MAD1L1: variants seen among roughly 807,000 people sequenced by gnomAD.
MAD1L1 encodes mitotic spindle assembly checkpoint protein MAD1.
Under a neutral mutation model 96.9 loss-of-function variants are expected in MAD1L1, and 95 were observed. The observed-to-expected ratio is 0.98, with a 90% CI of 0.83 to 1.16. The LOEUF (loss-of-function observed/expected upper bound fraction) is 1.16, where lower values mean the gene tolerates loss of function less well. Among genes scored for constraint, MAD1L1 ranks in the 50% most tolerant of loss-of-function variants. The pLI is 0.00. For synonymous variants in MAD1L1, 473 were observed against 396.6 expected (o/e 1.19, Z -2.29); for missense variants, 1,007 against 954.4 (o/e 1.06, Z -0.73).
chr7:2,049,018 CAT>C (rs1784053866), intron 12 of MAD1L1, among the ~76,000 whole-genome samples: 1 of 152,340 alleles, frequency 6.6e-6, no homozygotes, highest in Admixed American at 6.5e-5. Context: ...TAGAACTAAC[CAT>C]ATGTTTGTTG....
At position 2,222,718 on chromosome 7, in the gene MAD1L1, T is replaced by C; in HGVS notation, c.328A>G (p.Ile110Val). The change falls in exon 5 of 19, where the codon ATC becomes GTC. Residue 110 changes from isoleucine (I) to valine (V), a missense_variant. Transcript: ENST00000265854. The part of the protein sequence containing the change: ...VDRNQELLTR[I>V]RQLQEREAGA... ...GCCTCCCGCTCCTGAAGCTGCCGGA[T>C]GCGCGTCAGGAGCTCCTGGTTGCGG... 1 of 1,608,788 alleles carries C rather than the reference T, an allele frequency of 6.2e-7. No individual in the cohort carries two copies. Among genetic ancestry groups the C allele is most frequent in the Non-Finnish European group, 8.5e-7 (1 of 1,179,586 alleles).
chr7:2,135,504 C>T (rs993607432), intron 11 of MAD1L1, among the ~76,000 whole-genome samples: 3 of 151,694 alleles, frequency 2.0e-5, no homozygotes, highest in Non-Finnish European at 4.4e-5. Context: ...TTTTAATTTC[C>T]AAAGATGGTA....
At chr7:2,045,305 C>G (rs1783873269) in intron 12 of MAD1L1, among the ~76,000 whole-genome samples, 2 of 152,108 alleles carry the variant, frequency 1.3e-5, no homozygotes, top group Admixed American at 1.3e-4. Flanking sequence ...GTGAGATACC[C>G]CACGTCCCTA....
At chr7:2,058,799 C>T (rs878921472) in intron 12 of MAD1L1, among the ~76,000 whole-genome samples, 6 of 110,400 alleles carry the variant, frequency 5.4e-5, no homozygotes, top group South Asian at 3.7e-4. Flanking sequence ...AGGAGAGGCG[C>T]GGGGCTGGAG....
At chr7:2,028,589 C>T (rs4721320) in intron 12 of MAD1L1, among the ~76,000 whole-genome samples, 8,136 of 152,154 alleles carry the variant, frequency 0.053, 385 homozygotes, top group African/African-American at 0.12. Flanking sequence ...GTAAAATCTA[C>T]GTGAAGAGGC....
intron 14 of MAD1L1, among the ~76,000 whole-genome samples, chr7:1,994,803 C>T (rs558498710): frequency 3.9e-5 from 6 of 152,310 alleles, no homozygotes; most frequent in Non-Finnish European, 7.4e-5. Flanking sequence ...GACTTCCAGC[C>T]TGCAGAACCG....
rs562051305 is a variant in MAD1L1, at chr7:2,166,757, G to C, written c.987-17519C>G. Among the ~76,000 whole-genome samples the C allele has an allele frequency of 1.2e-4, 18 of 152,332 alleles. 1 individual carries two copies. The South Asian group carries it at 3.7e-3, about 32-fold the overall frequency. ...CCACTGTCCACAGCAGCTGGGCCGG[G>C]AGAATGACCTGGGCGGAACCACGCC... On this transcript the variant is annotated intron_variant, in intron 10 of 18. Coordinates refer to ENST00000265854, the MANE Select transcript of MAD1L1 (RefSeq NM_001013836.2).
intron 12 of MAD1L1, among the ~76,000 whole-genome samples, chr7:2,050,881 A>ACAC (rs1252565549): frequency 6.6e-6 from 1 of 152,158 alleles, no homozygotes; most frequent in Non-Finnish European, 1.5e-5. Flanking sequence ...GAGGGTTCAG[A>ACAC]CACCACCACC....
chr7:1,892,976 G>C (rs1452438099), intron 18 of MAD1L1, among the ~76,000 whole-genome samples: 1 of 152,234 alleles, frequency 6.6e-6, no homozygotes, highest in Non-Finnish European at 1.5e-5. Flanking sequence ...AGGGGAAAAG[G>C]GAGGTGGGGA....
chr7:1,876,309 G>A (rs1785384912), intron 18 of MAD1L1, among the ~76,000 whole-genome samples: 1 of 152,014 alleles, frequency 6.6e-6, no homozygotes, highest in African/African-American at 2.4e-5. Context: ...TGCAGCCCAA[G>A]GTCCCGAGCC....
At position 2,133,329 on chromosome 7, in the gene MAD1L1, C is replaced by G. The variant is rs535352946; in HGVS notation, c.1073+15823G>C. Among the ~76,000 whole-genome samples the G allele has an allele frequency of 3.3e-5, 5 of 152,268 alleles. No individual in the cohort carries two copies. The South Asian group carries it at 1.0e-3, about 32-fold the overall frequency. The stretch of plus-strand genomic sequence containing the variant: ...CTGAGCATCTCCGCACGTGCTTCTC[C>G]GTCACCCGCGTGTCTGCTTTGGTGA... On this transcript the variant is annotated intron_variant, in intron 11 of 18. Transcript: ENST00000265854.
chr7:2,111,020 CG>C (rs1350971681), intron 11 of MAD1L1, among the ~76,000 whole-genome samples: 1 of 152,176 alleles, frequency 6.6e-6, no homozygotes, highest in Admixed American at 6.5e-5. Context: ...GGAGGAAGAA[CG>C]GATCAGGAAG....
rs1489039645 is a variant in MAD1L1 at position 2,146,246 on chromosome 7, G to A, written c.1073+2906C>T. 6.7e-6 allele frequency among the ~76,000 whole-genome samples: 1 copy of A among 150,182 alleles called. No individual in the cohort carries two copies. ...CGTCACAGCAGCACCGCCTGGAAGA[G>A]GGAGCACCGGGCACTGGGCTACGAG... On this transcript the variant is annotated intron_variant, in intron 11 of 18. Coordinates refer to ENST00000265854, the MANE Select transcript of MAD1L1 (RefSeq NM_001013836.2). This position sits in a 1 kb window ranked among gnomAD's most constrained non-coding sequence, Gnocchi z 6.2.
chr7:2,158,550 G>A lies in MAD1L1; in HGVS notation c.987-9312C>T, dbSNP rs370928553. ...AAGCGACACAGGCTGTCTCTGCAGG[G>A]CTTGTTTTGCGAAAAGTATGCAGAA... is the stretch of plus-strand genomic sequence containing the variant. On this transcript the variant is annotated intron_variant, in intron 10 of 18. Coordinates refer to ENST00000265854, the MANE Select transcript of MAD1L1 (RefSeq NM_001013836.2). Among the ~76,000 whole-genome samples the A allele has an allele frequency of 1.5e-4, 23 of 152,354 alleles. No homozygotes were observed. The South Asian group carries it at 2.7e-3, about 18-fold the overall frequency.
At chr7:2,134,447 T>C (rs1788658145) in intron 11 of MAD1L1, among the ~76,000 whole-genome samples, 1 of 152,242 alleles carries the variant, frequency 6.6e-6, no homozygotes, top group South Asian at 2.1e-4. Flanking sequence ...GTTTTATTTC[T>C]TCCTTCCTTT....
At chr7:2,124,148 C>T (rs895179249) in intron 11 of MAD1L1, among the ~76,000 whole-genome samples, 5 of 152,210 alleles carry the variant, frequency 3.3e-5, no homozygotes, top group Admixed American at 6.5e-5. Context: ...TCAGAGGCCA[C>T]GCCACGCCCC....
chr7:1,993,777 C>A (rs780087275), intron 14 of MAD1L1, among the ~76,000 whole-genome samples: 2 of 152,232 alleles, frequency 1.3e-5, no homozygotes, highest in Non-Finnish European at 2.9e-5. Context: ...ACTGAAAAGG[C>A]TGGGTCCTCA....
rs192011649 is a variant in MAD1L1 at position 2,142,222 on chromosome 7, C to G, written c.1073+6930G>C. On this transcript the variant is annotated intron_variant, in intron 11 of 18. Coordinates refer to ENST00000265854, the MANE Select transcript of MAD1L1 (RefSeq NM_001013836.2). This position sits in a 1 kb window ranked among gnomAD's most constrained non-coding sequence, Gnocchi z 4.7. ...ACACTAGCCAAACTAACCCGAGCAG[C>G]CTTCGCCAAAGAACAAGGCAGGCAC... is the stretch of plus-strand genomic sequence containing the variant. 6.6e-6 allele frequency among the ~76,000 whole-genome samples: 1 copy of G among 152,344 alleles called. No homozygotes were observed. The highest frequency in any genetic ancestry group is 1.9e-4 in the East Asian group (1 of 5,178).
At chr7:2,231,396 G>A (rs1053613676) in intron 1 of MAD1L1, among the ~76,000 whole-genome samples, 24 of 152,114 alleles carry the variant, frequency 1.6e-4, no homozygotes, top group African/African-American at 5.8e-4. Context: ...AAGATGGGCA[G>A]ATCACCACAG....
Sources: allele counts gnomAD v4.1 joint callset (sites outside exome capture counted in the v4.1 genomes callset), GRCh38; gene constraint gnomAD v4.1.1; non-coding constraint Gnocchi (gnomAD v3.1); transcripts MANE v1.5; gene names NCBI Gene and HGNC (gene_info 2026-07-23, HGNC 2026-07-21).